Variants in DDX10 observed in about 807,000 individuals in gnomAD.
DDX10 encodes the protein probable ATP-dependent RNA helicase DDX10.
Under a neutral mutation model 104.3 loss-of-function variants are expected in DDX10, and 74 were observed. The observed-to-expected ratio is 0.71, with a 90% CI of 0.59 to 0.86. The LOEUF (loss-of-function observed/expected upper bound fraction) is 0.86. Among genes scored for constraint, DDX10 ranks in the 40% least tolerant of loss-of-function variants. The probability of loss-of-function intolerance (pLI) is 0.00; values close to 1 mark genes in which losing one functional copy is unlikely to be tolerated. For synonymous variants in DDX10, 351 were observed against 353.4 expected, an observed-to-expected ratio of 0.99 and a Z score of 0.08; for missense variants, 952 against 1,040.0, an observed-to-expected ratio of 0.92 and a Z score of 1.16.
chr11:108,666,304 C>T (rs1384386579), intron 1 of DDX10, among the ~76,000 whole-genome samples: 1 of 152,080 alleles, frequency 6.6e-6, no homozygotes, highest in African/African-American at 2.4e-5. Flanking sequence ...ATGGTGAAAC[C>T]CCGCCTCTAC....
chr11:108,686,935 C>T (rs926789860), intron 6 of DDX10, among the ~76,000 whole-genome samples: 8 of 152,154 alleles, frequency 5.3e-5, no homozygotes, highest in Middle Eastern at 6.8e-3. Context: ...CAGGTGCCCG[C>T]CACCACGCCC....
intron 15 of DDX10, among the ~76,000 whole-genome samples, chr11:108,842,989 C>T (rs776069143): frequency 1.3e-5 from 2 of 152,156 alleles, no homozygotes; most frequent in Non-Finnish European, 2.9e-5. Flanking sequence ...GAATATTGTT[C>T]TGGAAACCTT....
chr11:108,911,809 G>T (rs1016154219), intron 16 of DDX10, among the ~76,000 whole-genome samples: 3 of 151,910 alleles, frequency 2.0e-5, no homozygotes, highest in African/African-American at 7.3e-5. Flanking sequence ...CAGTCCATCT[G>T]CCCTGGCCTC....
intron 5 of DDX10, 71 bp downstream of exon 5, chr11:108,678,506 TA>T: frequency 7.4e-7 from 1 of 1,353,098 alleles, no homozygotes; most frequent in Non-Finnish European, 9.8e-7. Flanking sequence ...TATACATTTT[TA>T]TGATAGAAAT....
chr11:108,914,986 T>C (rs1173462227), intron 16 of DDX10, among the ~76,000 whole-genome samples: 1 of 149,482 alleles, frequency 6.7e-6, no homozygotes, highest in East Asian at 2.0e-4. Context: ...GTATGAGGAA[T>C]AGAAAAAAAA....
chr11:108,898,386 G>A (rs1863468779), intron 16 of DDX10, among the ~76,000 whole-genome samples: 1 of 151,984 alleles, frequency 6.6e-6, no homozygotes, highest in Non-Finnish European at 1.5e-5. Context: ...TTTCAGGCTG[G>A]CCACCAGACA....
intron 16 of DDX10, among the ~76,000 whole-genome samples, chr11:108,878,920 G>A (rs1399706993): frequency 6.6e-6 from 1 of 152,058 alleles, no homozygotes; most frequent in Non-Finnish European, 1.5e-5. Flanking sequence ...TTTTGCTTTC[G>A]TTAGCTTCCA....
intron 13 of DDX10, among the ~76,000 whole-genome samples, chr11:108,775,418 G>T (rs2094368626): frequency 6.6e-6 from 1 of 152,170 alleles, no homozygotes; most frequent in South Asian, 2.1e-4. Context: ...TTCAATTTGG[G>T]AGTTGGTGAT....
chr11:108,839,286 C>T (rs1040018837), intron 14 of DDX10, among the ~76,000 whole-genome samples: 1 of 152,178 alleles, frequency 6.6e-6, no homozygotes, highest in African/African-American at 2.4e-5. Flanking sequence ...TGACTATCCT[C>T]ATATTAGCAC....
intron 1 of DDX10, among the ~76,000 whole-genome samples, chr11:108,672,227 G>A (rs1276182534): frequency 1.3e-5 from 2 of 152,256 alleles, no homozygotes; most frequent in Non-Finnish European, 2.9e-5. Context: ...TGAGGAGCTC[G>A]CTTTGCCTGT....
chr11:108,699,885 C>T (rs898147795), intron 9 of DDX10, among the ~76,000 whole-genome samples: 1 of 152,188 alleles, frequency 6.6e-6, no homozygotes, highest in Admixed American at 6.5e-5. Context: ...TTAGGGCATG[C>T]TCTGGCCCAG....
chr11:108,905,030 C>A (rs1457771381), intron 16 of DDX10, among the ~76,000 whole-genome samples: 2 of 152,078 alleles, frequency 1.3e-5, no homozygotes, highest in Non-Finnish European at 2.9e-5. Context: ...TCAGTTCAGC[C>A]CCGAGCAGTA....
At chr11:108,820,019 G>T (rs750268603) in intron 13 of DDX10, among the ~76,000 whole-genome samples, 15 of 152,314 alleles carry the variant, frequency 9.8e-5, no homozygotes, top group Middle Eastern at 3.4e-3. Flanking sequence ...GGCCTGAGAA[G>T]AGTACAGCTT....
At chr11:108,931,370 C>T (rs1449370201) in intron 17 of DDX10, among the ~76,000 whole-genome samples, 4 of 152,162 alleles carry the variant, frequency 2.6e-5, no homozygotes, top group East Asian at 1.9e-4. Context: ...CACCCTGTGA[C>T]GTTCAGCAGT....
intron 9 of DDX10, among the ~76,000 whole-genome samples, chr11:108,706,261 C>T (rs1591796721): frequency 4.6e-5 from 7 of 152,230 alleles, no homozygotes; most frequent in South Asian, 4.1e-4. Context: ...CATGAGCCAC[C>T]GCACCCGGCC....
intron 13 of DDX10, among the ~76,000 whole-genome samples, chr11:108,824,032 T>G (rs1862362726): frequency 6.6e-6 from 1 of 152,262 alleles, no homozygotes; most frequent in Middle Eastern, 3.4e-3. Flanking sequence ...TGAAATAGTT[T>G]CGTGATTTCT....
Position 108,711,919 on chromosome 11 carries a change from T to G in DDX10, c.1323-3960T>G, listed in dbSNP as rs12576593. On this transcript the variant is annotated intron_variant, in intron 10 of 17. Coordinates refer to ENST00000322536, the MANE Select transcript of DDX10 (RefSeq NM_004398.4). Reference sequence around the variant, plus strand: ...ATAGTAGGGTGTTGAAGTCTCTAATTATAACAGTGGATTCATCTTTCTGGT... The same window carrying G: ...ATAGTAGGGTGTTGAAGTCTCTAATGATAACAGTGGATTCATCTTTCTGGT... Among the ~76,000 whole-genome samples, 12 of 152,342 alleles carry G rather than the reference T, an allele frequency of 7.9e-5. No homozygotes were observed. In the East Asian group the frequency reaches 2.3e-3, roughly 29 times the overall value.
In DDX10 at chr11:108,677,081, T is replaced by G; in HGVS notation, c.379-4T>G. 1 of 1,598,560 alleles carries G rather than the reference T, an allele frequency of 6.3e-7. No homozygotes were observed. The highest frequency in any genetic ancestry group is 8.6e-7 in the Non-Finnish European group (1 of 1,169,558). ...ACTGAACATGAATTTGCTGTCTTTT[T>G]GAGGTGCTGGAAGCCTTATATCGTC... is the stretch of plus-strand genomic sequence containing the variant. On this transcript the variant is annotated splice_polypyrimidine_tract_variant and splice_region_variant and intron_variant, in intron 3 of 17. Transcript: ENST00000322536.
At chr11:108,779,001 C>A (rs2094374147) in intron 13 of DDX10, among the ~76,000 whole-genome samples, 1 of 152,210 alleles carries the variant, frequency 6.6e-6, no homozygotes, top group African/African-American at 2.4e-5. Context: ...CATCTCACAC[C>A]AGTTAGAATG....
Sources: allele counts gnomAD v4.1 joint callset (sites outside exome capture counted in the v4.1 genomes callset), GRCh38; gene constraint gnomAD v4.1.1; transcripts MANE v1.5; gene names NCBI Gene and HGNC (gene_info 2026-07-23, HGNC 2026-07-21).